The following PLEKHA8 variants were observed in gnomAD, a reference collection of about 807,000 sequenced individuals.
PLEKHA8 encodes the protein pleckstrin homology domain-containing family A member 8.
A neutral mutation model predicts 68.2 loss-of-function variants in PLEKHA8; 36 were observed. That is an observed-to-expected ratio of 0.53 (90% CI 0.40 to 0.70). The LOEUF (loss-of-function observed/expected upper bound fraction) is 0.70, where lower values mean the gene tolerates loss of function less well. Ranked by LOEUF, PLEKHA8 falls within the 30% of genes least tolerant of loss-of-function variation. The pLI is 0.00. For missense variants in PLEKHA8, 505 were observed against 615.4 expected (o/e 0.82, Z 1.90); for synonymous variants, 211 against 216.1 (o/e 0.98, Z 0.20).
intron 13 of PLEKHA8, among the ~76,000 whole-genome samples, chr7:30,097,915 T>C (rs928742369): frequency 6.6e-6 from 1 of 152,074 alleles, no homozygotes; most frequent in African/African-American, 2.4e-5. Flanking sequence ...ACTTTTAGAG[T>C]TTCTGGTTTT....
At chr7:30,034,306 G>T (rs1360031079) in intron 1 of PLEKHA8, among the ~76,000 whole-genome samples, 1 of 151,976 alleles carries the variant, frequency 6.6e-6, no homozygotes, top group African/African-American at 2.4e-5. Flanking sequence ...ACTGTGCCCG[G>T]CCAAGAGTTC....
chr7:30,050,941 A>T (rs560752082), intron 6 of PLEKHA8, among the ~76,000 whole-genome samples: 4 of 152,332 alleles, frequency 2.6e-5, no homozygotes, highest in African/African-American at 7.2e-5. Flanking sequence ...TTCAATTTTT[A>T]AGATGATTTA....
At chr7:30,039,749 TAA>T (rs1181102600) in intron 1 of PLEKHA8, among the ~76,000 whole-genome samples, 1 of 152,236 alleles carries the variant, frequency 6.6e-6, no homozygotes, top group East Asian at 1.9e-4. Flanking sequence ...TTTAAATATA[TAA>T]GAGCATGTCT....
At chr7:30,046,445 G>A in intron 3 of PLEKHA8, 80 bp downstream of exon 3, 2 of 1,462,480 alleles carry the variant, frequency 1.4e-6, no homozygotes, top group South Asian at 1.4e-5. Context: ...TTGTTATCTT[G>A]CTTCTGACCA....
In PLEKHA8 at chr7:30,083,581, A is replaced by G. The variant is rs751870888; in HGVS notation, c.*4794A>G. 2.1e-4 allele frequency: 206 copies of G among 985,304 alleles called. No homozygotes were observed. Among genetic ancestry groups the G allele is most frequent in the Non-Finnish European group, 2.4e-4 (197 of 829,932 alleles). 61.0% of individuals were successfully genotyped at this position (985,304 alleles called of 1,614,324 possible). A position where few individuals can be genotyped will look rare whatever the true frequency, so the allele number is the denominator to read the frequency against. The stretch of plus-strand genomic sequence containing the variant: ...CAGTCATTAACAGTGCCTCTCTGGT[A>G]CAGTTGATGCATGCATTGATCTTTC... On this transcript the variant is annotated 3_prime_UTR_variant, in exon 14 of 14. Transcript: ENST00000449726.
chr7:30,048,465 T>C (rs1292195125), intron 4 of PLEKHA8, among the ~76,000 whole-genome samples: 1 of 152,252 alleles, frequency 6.6e-6, no homozygotes, highest in Admixed American at 6.5e-5. Context: ...ACTAGTGCTT[T>C]CAAAGATGGA....
At chr7:30,056,312 C>A (rs182975754) in intron 9 of PLEKHA8, among the ~76,000 whole-genome samples, 7,461 of 94,344 alleles carry the variant, frequency 0.079, 509 homozygotes, top group Middle Eastern at 0.14. Context: ...CTCTCTCTCT[C>A]TATATATATA....
chr7:30,112,828 G>T (rs181517769), intron 13 of PLEKHA8, among the ~76,000 whole-genome samples: 5 of 152,016 alleles, frequency 3.3e-5, no homozygotes, highest in Non-Finnish European at 5.9e-5. Flanking sequence ...TTGAGCCCAG[G>T]AGTTCAAGGC....
intron 13 of PLEKHA8, among the ~76,000 whole-genome samples, chr7:30,112,389 A>C (rs1796302005): frequency 6.6e-6 from 1 of 152,172 alleles, no homozygotes; most frequent in Non-Finnish European, 1.5e-5. Flanking sequence ...CCTTAAAAAA[A>C]AAAAACCTTA....
chr7:30,115,812 GCATGTATACATGCGTGCACATA>G (rs751365985), intron 13 of PLEKHA8: 16 of 136,014 alleles, frequency 1.2e-4, no homozygotes, highest in Non-Finnish European at 2.2e-4. Flanking sequence ...ATACACGCAT[GCATGTATACATGCGTGCACATA>G]CATGTATACA....
At chr7:30,045,996 C>G (rs1791924928) in intron 2 of PLEKHA8, among the ~76,000 whole-genome samples, 1 of 152,158 alleles carries the variant, frequency 6.6e-6, no homozygotes, top group South Asian at 2.1e-4. Context: ...GCCTTGGAGG[C>G]AATTGCAAGG....
chr7:30,074,135 A>T lies in PLEKHA8; in HGVS notation c.1362+3A>T. ...GGGTAGTTCGAGGGGTTTTTGCGGT[A>T]AGTGATCCTTCTTGTCTCCTATTAT... is the stretch of plus-strand genomic sequence containing the variant. On this transcript the variant is annotated splice_donor_region_variant and intron_variant, in intron 13 of 13. Coordinates refer to ENST00000449726, the MANE Select transcript of PLEKHA8 (RefSeq NM_001197026.2). The T allele has an allele frequency of 6.2e-7, 1 of 1,612,054 alleles. No individual in the cohort carries two copies. The highest frequency in any genetic ancestry group is 2.2e-5 in the East Asian group (1 of 44,872).
chr7:30,098,244 G>C (rs1795708309), intron 13 of PLEKHA8, among the ~76,000 whole-genome samples: 1 of 152,244 alleles, frequency 6.6e-6, no homozygotes, highest in African/African-American at 2.4e-5. Context: ...CTACTGGGGA[G>C]TGCCTCCCAG....
chr7:30,115,805 C>CACGCATGCATGTATACATGCGT (rs1315831632), intron 13 of PLEKHA8: 2 of 144,706 alleles, frequency 1.4e-5, no homozygotes, highest in African/African-American at 5.6e-5. Context: ...TACATGTATA[C>CACGCATGCATGTATACATGCGT]ACGCATGCAT....
chr7:30,045,327 A>G (rs941177702), intron 2 of PLEKHA8, 126 bp downstream of exon 2: 9 of 661,562 alleles, frequency 1.4e-5, no homozygotes, highest in South Asian at 1.2e-4. Context: ...ACATAGTGTT[A>G]TGTGTCAAAA....
In PLEKHA8 at chr7:30,082,891, T is replaced by C. The variant is rs1228443603; in HGVS notation, c.*4104T>C. ...GCTTCCTGGAGGAAAATTAAGTTTT[T>C]TTCCTAGCAAACTACCATGTCCTAC... On this transcript the variant is annotated 3_prime_UTR_variant, in exon 14 of 14. Transcript: ENST00000449726. 2.3e-5 allele frequency: 23 copies of C among 985,256 alleles called. No homozygotes were observed. The highest frequency in any genetic ancestry group is 2.8e-5 in the Non-Finnish European group (23 of 829,908). 61.0% of individuals were successfully genotyped at this position (985,256 alleles called of 1,614,324 possible).
chr7:30,125,487 C>G (rs1307315743), intron 13 of PLEKHA8, among the ~76,000 whole-genome samples: 1 of 152,146 alleles, frequency 6.6e-6, no homozygotes, highest in Non-Finnish European at 1.5e-5. Context: ...CCCTGGCTGT[C>G]CATGATTTAT....
rs1794992567 is a variant in PLEKHA8 at position 30,082,535 on chromosome 7, A to G, written c.*3748A>G. On this transcript the variant is annotated 3_prime_UTR_variant, in exon 14 of 14. Coordinates refer to ENST00000449726, the MANE Select transcript of PLEKHA8 (RefSeq NM_001197026.2). ...ATGACATGACATGGGGCACCTAGGA[A>G]AGATGATTATTAGAGGAGTGCAGCG... 1 of 985,238 alleles carries G rather than the reference A, an allele frequency of 1.0e-6. No individual in the cohort carries two copies. Among genetic ancestry groups the G allele is most frequent in the Admixed American group, 6.1e-5 (1 of 16,264 alleles). 61.0% of individuals were successfully genotyped at this position (985,238 alleles called of 1,614,324 possible). A position where few individuals can be genotyped will look rare whatever the true frequency, so the allele number is the denominator to read the frequency against.
chr7:30,061,162 T>C (rs973880500), intron 10 of PLEKHA8, among the ~76,000 whole-genome samples: 4 of 152,244 alleles, frequency 2.6e-5, no homozygotes, highest in Non-Finnish European at 5.9e-5. Context: ...AAGATTCATT[T>C]TTAAAATGAA....
Sources: allele counts gnomAD v4.1 joint callset (sites outside exome capture counted in the v4.1 genomes callset), GRCh38; gene constraint gnomAD v4.1.1; transcripts MANE v1.5; gene names NCBI Gene and HGNC (gene_info 2026-07-23, HGNC 2026-07-21).